The following ZNF106 variants were observed in gnomAD, a reference collection of about 807,000 sequenced individuals.
ZNF106 encodes the protein SH3-domain binding protein 3.
A neutral mutation model predicts 195.1 loss-of-function variants in ZNF106; 67 were observed. That is an observed-to-expected ratio of 0.34 (90% CI 0.28 to 0.42). The LOEUF is 0.42. Among genes scored for constraint, ZNF106 ranks in the 10% least tolerant of loss-of-function variants. The pLI, the probability that ZNF106 is intolerant of heterozygous loss-of-function variation, is 1.00. For missense variants in ZNF106, 2,118 were observed against 2,304.5 expected, an observed-to-expected ratio of 0.92 and a Z score of 1.66; for synonymous variants, 784 against 818.6, an observed-to-expected ratio of 0.96 and a Z score of 0.72.
rs1319781012 is a variant in ZNF106 at position 42,417,363 on chromosome 15, A to G, written c.5665-3T>C. 2.5e-6 allele frequency: 4 copies of G among 1,614,020 alleles called. No individual in the cohort carries two copies. Among genetic ancestry groups the G allele is most frequent in the Admixed American group, 1.7e-5 (1 of 60,006 alleles). ...CGTTCAATATGTCCTGCAGCATCCT[A>G]GGAATGAAGGGAAAAGGGCCCATGA... On this transcript the variant is annotated splice_region_variant and splice_polypyrimidine_tract_variant and intron_variant, in intron 21 of 21. Coordinates refer to ENST00000564754, the MANE Select transcript of ZNF106 (RefSeq NM_001366845.3).
intron 6 of ZNF106, among the ~76,000 whole-genome samples, chr15:42,447,187 C>G (rs905094957): frequency 6.6e-6 from 1 of 152,178 alleles, no homozygotes; most frequent in Non-Finnish European, 1.5e-5. Context: ...GTCTAAAATT[C>G]ATGACCTTAA....
At chr15:42,470,588 T>A (rs2056644274) in intron 2 of ZNF106, among the ~76,000 whole-genome samples, 1 of 152,310 alleles carries the variant, frequency 6.6e-6, no homozygotes, top group South Asian at 2.1e-4. Context: ...CAGCCCTTCA[T>A]TTAACTTCAT....
At chr15:42,446,714 A>G in intron 6 of ZNF106, 56 bp from the exon 7 acceptor site, 1 of 1,387,248 alleles carries the variant, frequency 7.2e-7, no homozygotes, top group Non-Finnish European at 9.9e-7. Context: ...ATTATCCAAG[A>G]GGAGAAAAAG....
Position 42,450,674 on chromosome 15 carries a change from C to G in ZNF106, c.1598G>C (p.Cys533Ser), listed in dbSNP as rs142481043. ...TTTATTCCCTTTTAAAACATGAGGA[C>G]ATGAACTACGCAGTTTGGATATGTA... ...GPYISKLRSS[C>S]PHVLKGNKST... The change falls in exon 5 of 22, where the codon TGT (cysteine) becomes TCT (serine). Residue 533 changes from cysteine (C) to serine (S), a missense_variant. Coordinates refer to ENST00000564754, the MANE Select transcript of ZNF106 (RefSeq NM_001366845.3). 1 of 1,614,022 alleles carries G rather than the reference C, an allele frequency of 6.2e-7. No homozygotes were observed. Among genetic ancestry groups the G allele is most frequent in the African/African-American group, 1.3e-5 (1 of 74,900 alleles).
chr15:42,444,137 AAGC>A, intron 9 of ZNF106, 62 bp downstream of exon 9: 5 of 929,360 alleles, frequency 5.4e-6, no homozygotes, highest in South Asian at 3.8e-5. Context: ...AAAAAAAAAA[AAGC>A]AGAGAAAACA....
chr15:42,474,052 C>T (rs994662512), intron 1 of ZNF106, among the ~76,000 whole-genome samples: 1 of 152,156 alleles, frequency 6.6e-6, no homozygotes, highest in African/African-American at 2.4e-5. Flanking sequence ...CAGCCAGAAG[C>T]GTGAGCCATC....
At chr15:42,421,203 T>C (rs1376769907) in intron 19 of ZNF106, 71 bp from the exon 20 acceptor site, 1 of 1,385,712 alleles carries the variant, frequency 7.2e-7, no homozygotes, top group Non-Finnish European at 1.0e-6. Context: ...AAAACAAGAG[T>C]CACAAGCTCC....
intron 1 of ZNF106, among the ~76,000 whole-genome samples, chr15:42,480,486 T>C (rs1407072225): frequency 1.3e-5 from 2 of 152,268 alleles, no homozygotes; most frequent in Non-Finnish European, 2.9e-5. Flanking sequence ...ATTAATATAG[T>C]TGAATTAGAT....
intron 1 of ZNF106, among the ~76,000 whole-genome samples, chr15:42,481,251 T>G (rs2056892095): frequency 6.6e-6 from 1 of 152,054 alleles, no homozygotes; most frequent in Non-Finnish European, 1.5e-5. Context: ...ATCATTTCCC[T>G]ACAGCCTGAA....
chr15:42,417,312 C>T lies in ZNF106; in HGVS notation c.5713G>A (p.Asp1905Asn), dbSNP rs1253531112. ...ERHAEDDSKIDS is the reference protein window; with the variant it reads ...ERHAEDDSKINS ...GTGGGAGGCAAAAAACTTCATGAAT[C>T]AATTTTGCTGTCATCTTCAGCATGT... Residue 1905 changes from aspartate (D) to asparagine (N), a missense_variant, in exon 22 of 22, where the codon GAT becomes AAT. Coordinates refer to ENST00000564754, the MANE Select transcript of ZNF106 (RefSeq NM_001366845.3). 2.5e-6 allele frequency: 4 copies of T among 1,613,806 alleles called. No homozygotes were observed. The African/African-American group carries it at 4.0e-5, about 16-fold the overall frequency.
intron 1 of ZNF106, among the ~76,000 whole-genome samples, chr15:42,482,521 A>ATTTT (rs2056920903): frequency 4.9e-5 from 5 of 102,502 alleles, no homozygotes; most frequent in Non-Finnish European, 5.9e-5. Flanking sequence ...TGAAATCTCC[A>ATTTT]GTTTTTTTTT....
At chr15:42,442,891 C>T (rs1343258438) in intron 9 of ZNF106, among the ~76,000 whole-genome samples, 1 of 152,152 alleles carries the variant, frequency 6.6e-6, no homozygotes, top group Non-Finnish European at 1.5e-5. Flanking sequence ...CCAAGCGATT[C>T]TCCTGCCTCA....
chr15:42,443,385 C>T lies in ZNF106; in HGVS notation c.3421+817G>A, dbSNP rs1162824529. 2.0e-5 allele frequency among the ~76,000 whole-genome samples: 3 copies of T among 152,122 alleles called. No homozygotes were observed. In the East Asian group the frequency reaches 5.8e-4, roughly 29 times the overall value. ...GGTGGTTCAGGCCTGTAATCCCAAC[C>T]ATTTGGGAGGTCAAGTTAGGAGGAC... is the stretch of plus-strand genomic sequence containing the variant. On this transcript the variant is annotated intron_variant, in intron 9 of 21. Transcript: ENST00000564754.
intron 14 of ZNF106, among the ~76,000 whole-genome samples, chr15:42,428,905 A>G (rs1424001604): frequency 1.3e-5 from 2 of 151,658 alleles, no homozygotes; most frequent in Non-Finnish European, 2.9e-5. Flanking sequence ...CTGGGACCAC[A>G]GGCGCCCGCC....
rs2054350971 is a variant in ZNF106, at chr15:42,413,805, T to C, written c.*3499A>G. 6.6e-6 allele frequency: 1 copy of C among 152,354 alleles called. No homozygotes were observed. Among genetic ancestry groups the C allele is most frequent in the African/African-American group, 2.4e-5 (1 of 41,468 alleles). 9.4% of individuals were successfully genotyped at this position (152,354 alleles called of 1,614,324 possible). Reference sequence around the variant, plus strand: ...GGAGTGCAGTAGTAAGTAATGACTTTCTCTCAGATTCAAGTAACATCAGGT... The same window carrying C: ...GGAGTGCAGTAGTAAGTAATGACTTCCTCTCAGATTCAAGTAACATCAGGT... On this transcript the variant is annotated 3_prime_UTR_variant, in exon 22 of 22. Transcript: ENST00000564754.
intron 16 of ZNF106, 27 bp downstream of exon 16, chr15:42,424,807 A>G (rs1350966140): frequency 6.3e-7 from 1 of 1,599,622 alleles, no homozygotes; most frequent in Admixed American, 1.7e-5. Flanking sequence ...GTGCCAGACA[A>G]CTCCGATTCT....
chr15:42,426,747 A>G (rs755064018), intron 15 of ZNF106, among the ~76,000 whole-genome samples: 119 of 152,228 alleles, frequency 7.8e-4, no homozygotes, highest in Non-Finnish European at 9.1e-4. Context: ...GAAGGTAATT[A>G]GGCAATTATC....
chr15:42,469,313 CA>C (rs2056609786), intron 2 of ZNF106, among the ~76,000 whole-genome samples: 1 of 152,172 alleles, frequency 6.6e-6, no homozygotes, highest in Non-Finnish European at 1.5e-5. Context: ...CTGTTCCTTA[CA>C]ACAAAACCAT....
chr15:42,415,310 C>G lies in ZNF106; in HGVS notation c.*1994G>C, dbSNP rs988266318. 2.6e-6 allele frequency: 1 copy of G among 381,474 alleles called. No homozygotes were observed. The highest frequency in any genetic ancestry group is 3.2e-5 in the Admixed American group (1 of 31,240). The allele number at this position is 381,474 out of a possible 1,614,324, so 23.6% of individuals were successfully genotyped here. ...CTAATTTTTGTATTTTTAATAGAGA[C>G]GGGGTTTCACTATGTTGGCCAGGCT... On this transcript the variant is annotated 3_prime_UTR_variant, in exon 22 of 22. Coordinates refer to ENST00000564754, the MANE Select transcript of ZNF106 (RefSeq NM_001366845.3).
Sources: allele counts gnomAD v4.1 joint callset (sites outside exome capture counted in the v4.1 genomes callset), GRCh38; gene constraint gnomAD v4.1.1; transcripts MANE v1.5; gene names NCBI Gene and HGNC (gene_info 2026-07-23, HGNC 2026-07-21).